TRAPPC12: variants seen among roughly 807,000 people sequenced by gnomAD.
TRAPPC12 encodes the protein trafficking protein particle complex subunit 12, also known as TPR repeat protein 15.
In TRAPPC12, 61 loss-of-function variants were observed where a neutral mutation model predicts 69.2. That is an observed-to-expected ratio of 0.88 (90% CI 0.72 to 1.09). The LOEUF is 1.09. TRAPPC12 is among the 50% of genes least tolerant of loss of function. TRAPPC12 has a pLI of 0.00. For missense variants in TRAPPC12, 1,101 were observed against 1,016.4 expected (o/e 1.08, Z -1.13); for synonymous variants, 469 against 438.9 (o/e 1.07, Z -0.86).
chr2:3,457,389 AC>A (rs1426707577), intron 6 of TRAPPC12, among the ~76,000 whole-genome samples: 2 of 152,166 alleles, frequency 1.3e-5, no homozygotes, highest in African/African-American at 2.4e-5. Context: ...CCTCAGCATC[AC>A]CCAGTATACC....
chr2:3,461,639 A>G (rs772404162), intron 8 of TRAPPC12, among the ~76,000 whole-genome samples: 66 of 152,236 alleles, frequency 4.3e-4, no homozygotes, highest in Admixed American at 5.2e-4. Flanking sequence ...TGCTCAGAGC[A>G]GGTTTTTCTT....
chr2:3,453,769 C>CT (rs942571153), intron 6 of TRAPPC12, among the ~76,000 whole-genome samples: 9 of 152,160 alleles, frequency 5.9e-5, no homozygotes, highest in South Asian at 2.1e-4. Context: ...CACTGTCGGG[C>CT]TTTTTTTGCA....
At chr2:3,476,848 C>A (rs1666313300) in intron 9 of TRAPPC12, among the ~76,000 whole-genome samples, 1 of 152,230 alleles carries the variant, frequency 6.6e-6, no homozygotes, top group African/African-American at 2.4e-5. Context: ...GTTTCTGCTG[C>A]TGCCATGATA....
chr2:3,396,920 A>C (rs1661166179), intron 2 of TRAPPC12, among the ~76,000 whole-genome samples: 2 of 152,156 alleles, frequency 1.3e-5, no homozygotes, highest in Non-Finnish European at 2.9e-5. Context: ...CAGGAGGCTG[A>C]GGCAGGAGAA....
intron 5 of TRAPPC12, among the ~76,000 whole-genome samples, chr2:3,431,700 T>C (rs1270608010): frequency 6.6e-6 from 1 of 152,208 alleles, no homozygotes; most frequent in Non-Finnish European, 1.5e-5. Flanking sequence ...ATGAAAATAT[T>C]TCTAGAACAT....
intron 2 of TRAPPC12, among the ~76,000 whole-genome samples, chr2:3,392,829 G>A (rs545218061): frequency 1.3e-5 from 2 of 152,218 alleles, no homozygotes; most frequent in Non-Finnish European, 2.9e-5. Context: ...CCCCCATTCT[G>A]GGTATGTATC....
intron 7 of TRAPPC12, 73 bp downstream of exon 7, chr2:3,457,766 T>G: frequency 6.4e-7 from 1 of 1,574,004 alleles, no homozygotes; most frequent in Non-Finnish European, 8.6e-7. Context: ...AGCCTCTCGC[T>G]TCCTCTCCTT....
At chr2:3,407,714 A>G (rs925551752) in intron 3 of TRAPPC12, among the ~76,000 whole-genome samples, 5 of 151,910 alleles carry the variant, frequency 3.3e-5, no homozygotes, top group Non-Finnish European at 7.4e-5. Context: ...AGGCAGGAGA[A>G]TGGTCTGGGA....
chr2:3,386,868 A>G (rs1028080891), intron 1 of TRAPPC12, among the ~76,000 whole-genome samples: 15 of 152,340 alleles, frequency 9.8e-5, no homozygotes, highest in Admixed American at 5.9e-4. Context: ...CTACTATGAA[A>G]TAAAAACAAA....
chr2:3,436,390 C>G (rs1025727873), intron 5 of TRAPPC12, among the ~76,000 whole-genome samples: 3 of 152,090 alleles, frequency 2.0e-5, no homozygotes, highest in African/African-American at 7.3e-5. Flanking sequence ...CTTGGAGACA[C>G]CATCTTTATT....
At position 3,459,697 on chromosome 2, in the gene TRAPPC12, C is replaced by T. The variant is rs200318694; in HGVS notation, c.1604-566C>T. ...AAGGAAGCCAGCTGCAGGGGAGTGC[C>T]GAGTCCCCAGCGGAATGTGCCAGCC... On this transcript the variant is annotated intron_variant, in intron 7 of 11. Coordinates refer to ENST00000324266, the MANE Select transcript of TRAPPC12 (RefSeq NM_016030.6). 1.0e-3 allele frequency among the ~76,000 whole-genome samples: 158 copies of T among 152,290 alleles called. 1 individual carries two copies. Among genetic ancestry groups the T allele is most frequent in the East Asian group, 9.1e-3 (47 of 5,178 alleles).
At chr2:3,462,308 CT>C (rs1365224761) in intron 8 of TRAPPC12, among the ~76,000 whole-genome samples, 1 of 152,152 alleles carries the variant, frequency 6.6e-6, no homozygotes, top group Admixed American at 6.5e-5. Context: ...TTCAAAAATA[CT>C]TTTACAATGG....
chr2:3,464,853 C>T (rs1249050669), intron 8 of TRAPPC12, among the ~76,000 whole-genome samples: 1 of 152,250 alleles, frequency 6.6e-6, no homozygotes, highest in Non-Finnish European at 1.5e-5. Flanking sequence ...GACAGTGAGA[C>T]TGTGCTGCCA....
chr2:3,465,498 T>C, intron 8 of TRAPPC12, 99 bp from the exon 9 acceptor site: 1 of 821,662 alleles, frequency 1.2e-6, no homozygotes, highest in South Asian at 1.5e-5. Flanking sequence ...GCGTGTCCTC[T>C]CTCTACACCG....
chr2:3,391,186 G>T (rs549514471), intron 2 of TRAPPC12, among the ~76,000 whole-genome samples: 2 of 152,076 alleles, frequency 1.3e-5, no homozygotes, highest in Non-Finnish European at 2.9e-5. Context: ...ACATGACGGG[G>T]CGCCCCACCT....
At chr2:3,395,278 G>A (rs1370124353) in intron 2 of TRAPPC12, among the ~76,000 whole-genome samples, 2 of 152,028 alleles carry the variant, frequency 1.3e-5, no homozygotes, top group Non-Finnish European at 2.9e-5. Flanking sequence ...ATATGTAGAC[G>A]GTTTGTATAT....
chr2:3,418,053 A>AAAAAC (rs1662536127), intron 3 of TRAPPC12, among the ~76,000 whole-genome samples: 1 of 128,942 alleles, frequency 7.8e-6, no homozygotes, highest in South Asian at 2.4e-4. Context: ...AAAAAAAAAA[A>AAAAAC]AAAAAACATT....
chr2:3,381,832 A>T (rs912321550), intron 1 of TRAPPC12, among the ~76,000 whole-genome samples: 3 of 152,164 alleles, frequency 2.0e-5, no homozygotes, highest in Non-Finnish European at 4.4e-5. Flanking sequence ...AGTGGCTGTT[A>T]CTATATCCTG....
intron 3 of TRAPPC12, among the ~76,000 whole-genome samples, chr2:3,403,916 G>A (rs1367184105): frequency 6.6e-6 from 1 of 152,248 alleles, no homozygotes; most frequent in Non-Finnish European, 1.5e-5. Context: ...TCCTGAGCCA[G>A]GAGAGGAGTG....
Sources: gnomAD v4.1 joint callset for allele counts (sites outside exome capture counted in the v4.1 genomes callset) on GRCh38, gnomAD v4.1.1 for gene constraint, MANE v1.5 for transcripts, NCBI Gene and HGNC (gene_info 2026-07-23, HGNC 2026-07-21) for gene names.